The following TENM3 variants were observed in gnomAD, a reference collection of about 807,000 sequenced individuals.
TENM3 encodes teneurin-3.
Under a neutral mutation model 255.1 loss-of-function variants are expected in TENM3, and 63 were observed. That is an observed-to-expected ratio of 0.25 (90% CI 0.20 to 0.30). TENM3 has a LOEUF of 0.30. Ranked by LOEUF, TENM3 falls within the 10% of genes least tolerant of loss-of-function variation. TENM3 has a pLI of 1.00. For synonymous variants in TENM3, 1,306 were observed against 1,322.3 expected (o/e 0.99, Z 0.27); for missense variants, 2,929 against 3,461.1 (o/e 0.85, Z 3.86).
At chr4:181,845,798 C>T in the TENM3 span, among the ~76,000 whole-genome samples, 8 of 152,200 alleles carry the variant, frequency 5.3e-5, no homozygotes, top group Non-Finnish European at 1.0e-4. Context: ...TCTGCAAAGA[C>T]ATATTAGTCA....
At chr4:181,487,770 C>T in the TENM3 span, among the ~76,000 whole-genome samples, 1 of 152,126 alleles carries the variant, frequency 6.6e-6, no homozygotes, top group Admixed American at 6.5e-5. Context: ...AAAAGCATAT[C>T]TGGGTGGTCC....
intron 3 of TENM3, among the ~76,000 whole-genome samples, chr4:182,409,116 G>A (rs897059275): frequency 3.3e-5 from 5 of 152,204 alleles, no homozygotes; most frequent in Non-Finnish European, 7.3e-5. Context: ...TAGTGGCTGT[G>A]GCTCCTGGAG....
At chr4:181,923,986 T>TC in the TENM3 span, among the ~76,000 whole-genome samples, 10 of 152,160 alleles carry the variant, frequency 6.6e-5, no homozygotes, top group Middle Eastern at 3.4e-3. Flanking sequence ...GGAAAGACAG[T>TC]CCCCCCTCAG....
intron 3 of TENM3, among the ~76,000 whole-genome samples, chr4:182,418,818 C>T (rs530036116): frequency 1.8e-4 from 28 of 152,164 alleles, no homozygotes; most frequent in Admixed American, 4.6e-4. Flanking sequence ...CTGCCTCAGC[C>T]TCCCGAAGTG....
intron 3 of TENM3, among the ~76,000 whole-genome samples, chr4:182,478,580 A>G (rs1733901769): frequency 6.6e-6 from 1 of 151,986 alleles, no homozygotes; most frequent in African/African-American, 2.4e-5. Flanking sequence ...TCATCCTTAT[A>G]CAGTGACTTG....
At chr4:181,713,577 G>A in the TENM3 span, among the ~76,000 whole-genome samples, 5 of 152,234 alleles carry the variant, frequency 3.3e-5, no homozygotes, top group Non-Finnish European at 5.9e-5. Context: ...CACTCCTGGT[G>A]TTGGTAAGTA....
the TENM3 span, among the ~76,000 whole-genome samples, chr4:181,750,224 G>C: frequency 6.6e-6 from 1 of 152,126 alleles, no homozygotes; most frequent in Admixed American, 6.6e-5. Context: ...GTTCATGGTT[G>C]GGGGGTAGAA....
chr4:182,090,296 C>A, the TENM3 span, among the ~76,000 whole-genome samples: 1 of 152,204 alleles, frequency 6.6e-6, no homozygotes, highest in African/African-American at 2.4e-5. Flanking sequence ...CAGAAGCAAT[C>A]ATGTTTGGCG....
chr4:182,136,996 G>C, the TENM3 span, among the ~76,000 whole-genome samples: 3 of 151,060 alleles, frequency 2.0e-5, no homozygotes, highest in Non-Finnish European at 4.4e-5. Flanking sequence ...CCAATACAAC[G>C]TTGTGTTAAA....
chr4:181,925,143 A>G, the TENM3 span, among the ~76,000 whole-genome samples: 1 of 152,190 alleles, frequency 6.6e-6, no homozygotes, highest in African/African-American at 2.4e-5. Context: ...TTATATTAAG[A>G]AGCATGGTTG....
At chr4:182,685,610 C>CA (rs953523274) in intron 11 of TENM3, among the ~76,000 whole-genome samples, 3 of 152,012 alleles carry the variant, frequency 2.0e-5, no homozygotes, top group Admixed American at 6.5e-5. Flanking sequence ...ACCCTTTCCA[C>CA]AAAAAATATC....
the TENM3 span, among the ~76,000 whole-genome samples, chr4:181,508,702 G>T: frequency 6.6e-6 from 1 of 151,802 alleles, no homozygotes; most frequent in Admixed American, 6.6e-5. Context: ...TACCAAATAC[G>T]GCTGGATCCC....
chr4:182,034,879 T>G, the TENM3 span, among the ~76,000 whole-genome samples: 1 of 152,146 alleles, frequency 6.6e-6, no homozygotes, highest in Non-Finnish European at 1.5e-5. Flanking sequence ...GATCTTCTCA[T>G]GGAATATCTT....
At chr4:181,773,195 C>T in the TENM3 span, among the ~76,000 whole-genome samples, 13 of 152,120 alleles carry the variant, frequency 8.5e-5, no homozygotes, top group African/African-American at 2.7e-4. Context: ...TCAAAAACTC[C>T]GTCACCCAGG....
At chr4:182,473,944 T>C (rs1733415292) in intron 3 of TENM3, among the ~76,000 whole-genome samples, 1 of 152,172 alleles carries the variant, frequency 6.6e-6, no homozygotes, top group Non-Finnish European at 1.5e-5. Flanking sequence ...GGCCACAAAG[T>C]GAGACCCTGT....
the TENM3 span, among the ~76,000 whole-genome samples, chr4:181,492,396 G>T: frequency 1.1e-4 from 16 of 152,226 alleles, no homozygotes; most frequent in African/African-American, 3.6e-4. Flanking sequence ...AGCAATAAAT[G>T]CAGATAGTAT....
chr4:182,792,622 A>T lies in TENM3; in HGVS notation c.5950A>T (p.Ser1984Cys). ...AGTCCTAAAGACAGTAAACCTCCAG[A>T]GTGATGGTTTTATTTGCACCATTAG... ...AGVLKTVNLQSDGFICTIRYR... is the reference protein window; with the variant it reads ...AGVLKTVNLQCDGFICTIRYR... The change falls in exon 26 of 28, where the codon AGT becomes TGT. Residue 1984 changes from serine to cysteine, a missense_variant. Physicochemically the swap from Ser to Cys is moderately radical, Grantham distance 112. Coordinates refer to ENST00000511685, the MANE Select transcript of TENM3 (RefSeq NM_001080477.4). This position sits in a 1 kb window ranked among gnomAD's most constrained non-coding sequence, Gnocchi z 6.3. 1 of 1,613,982 alleles carries T rather than the reference A, an allele frequency of 6.2e-7. No individual in the cohort carries two copies. Among genetic ancestry groups the T allele is most frequent in the Non-Finnish European group, 8.5e-7 (1 of 1,179,866 alleles).
At chr4:182,482,265 T>C (rs970837701) in intron 3 of TENM3, among the ~76,000 whole-genome samples, 3 of 152,314 alleles carry the variant, frequency 2.0e-5, no homozygotes, top group Middle Eastern at 3.4e-3. Context: ...ATTACAATAA[T>C]GCTTTTCAAT....
chr4:181,548,739 T>C, the TENM3 span, among the ~76,000 whole-genome samples: 4 of 152,066 alleles, frequency 2.6e-5, no homozygotes, highest in African/African-American at 9.7e-5. Flanking sequence ...AATTTTGAAA[T>C]GGGAGGAGCA....
Sources: gnomAD v4.1 joint callset for allele counts (sites outside exome capture counted in the v4.1 genomes callset) on GRCh38, gnomAD v4.1.1 for gene constraint, Gnocchi (gnomAD v3.1) non-coding constraint, MANE v1.5 for transcripts, NCBI Gene and HGNC (gene_info 2026-07-23, HGNC 2026-07-21) for gene names.